FBLN7: variants seen among roughly 807,000 people sequenced by gnomAD.
The protein encoded by FBLN7 is fibulin-7.
In FBLN7, 31 loss-of-function variants were observed where a neutral mutation model predicts 44.0. The ratio of observed to expected loss-of-function variants is 0.70; its 90% CI spans 0.53 to 0.95. The LOEUF (loss-of-function observed/expected upper bound fraction) is 0.95, where lower values mean the gene tolerates loss of function less well. Ranked by LOEUF, FBLN7 falls within the 40% of genes least tolerant of loss-of-function variation. The pLI, the probability that FBLN7 is intolerant of heterozygous loss-of-function variation, is 0.00. For missense variants in FBLN7, 573 were observed against 618.5 expected (o/e 0.93, Z 0.78); for synonymous variants, 262 against 253.4 (o/e 1.03, Z -0.32).
the FBLN7 span, chr2:112,236,762 C>T: frequency 1.9e-5 from 26 of 1,404,704 alleles, no homozygotes; most frequent in Admixed American, 4.2e-5. Context: ...TTAAGAAGTA[C>T]GGGGCCAGGT....
chr2:112,212,965 C>CTTTTTTTTTTTTTT, the FBLN7 span: 2 of 84,890 alleles, frequency 2.4e-5, no homozygotes, highest in African/African-American at 4.7e-5. Flanking sequence ...AGAAGAAATG[C>CTTTTTTTTTTTTTT]TTTTTTTTTT....
At chr2:112,149,178 GC>G (rs112001907) in intron 1 of FBLN7, among the ~76,000 whole-genome samples, 8,521 of 152,182 alleles carry the variant, frequency 0.056, 329 homozygotes, top group African/African-American at 0.11. Flanking sequence ...CCTGTCAAGG[GC>G]AGCCCTGATT....
the FBLN7 span, among the ~76,000 whole-genome samples, chr2:112,201,311 C>T: frequency 1.3e-5 from 2 of 152,214 alleles, no homozygotes; most frequent in South Asian, 2.1e-4. Context: ...CACGGACCAT[C>T]GTGCAGCTCC....
intron 1 of FBLN7, chr2:112,152,228 C>T (rs907261707): frequency 2.0e-5 from 3 of 152,266 alleles, no homozygotes; most frequent in African/African-American, 7.2e-5. Flanking sequence ...GGCTCAGAGA[C>T]CTATGCGGCT....
intron 1 of FBLN7, among the ~76,000 whole-genome samples, chr2:112,140,392 G>T (rs72831604): frequency 6.6e-6 from 1 of 152,200 alleles, no homozygotes; most frequent in African/African-American, 2.4e-5. Flanking sequence ...CCAAGGCTGG[G>T]GGACCCGGGC....
the FBLN7 span, chr2:112,215,608 A>G: frequency 6.6e-6 from 1 of 152,338 alleles, no homozygotes; most frequent in Middle Eastern, 3.4e-3. Flanking sequence ...ATAAAACAAT[A>G]TAATGACGAG....
At chr2:112,191,047 AG>A (rs1466430272), downstream of FBLN7, among the ~76,000 whole-genome samples, 1 of 152,224 alleles carries the variant, frequency 6.6e-6, no homozygotes. Flanking sequence ...GTACAACCAT[AG>A]CTCACTGCAA....
chr2:112,232,677 A>G, the FBLN7 span, among the ~76,000 whole-genome samples: 5 of 152,218 alleles, frequency 3.3e-5, no homozygotes, highest in Non-Finnish European at 5.9e-5. Context: ...TATAACTTCA[A>G]TATTTTCTAG....
chr2:112,173,949 G>A (rs1682605207), intron 3 of FBLN7, among the ~76,000 whole-genome samples: 1 of 152,240 alleles, frequency 6.6e-6, no homozygotes, highest in Non-Finnish European at 1.5e-5. Context: ...TGGGACAGCT[G>A]TGCGTTTCTC....
At chr2:112,206,309 T>G in the FBLN7 span, among the ~76,000 whole-genome samples, 1 of 152,210 alleles carries the variant, frequency 6.6e-6, no homozygotes, top group African/African-American at 2.4e-5. Context: ...TACTGACCTT[T>G]ACAAAGAACT....
Position 112,187,329 on chromosome 2 carries a change from C to T in FBLN7, c.1143C>T (p.Arg381=), listed in dbSNP as rs201355169. Residue 381 remains arginine (R), a synonymous_variant, in exon 8 of 8, where the codon CGC becomes CGT. Coordinates refer to ENST00000331203, the MANE Select transcript of FBLN7 (RefSeq NM_153214.3). This position sits in a 1 kb window ranked among gnomAD's most constrained non-coding sequence, Gnocchi z 5.1. ...TTGGGATCGTGGGTGGGAACAGCCGCGGCCACTTTGTGATGCAGCGTTCAG... is the reference window on the plus strand; with the variant it reads ...TTGGGATCGTGGGTGGGAACAGCCGTGGCCACTTTGTGATGCAGCGTTCAG... ...LRFGIVGGNS[R]GHFVMQRSDR... 9.3e-5 allele frequency: 150 copies of T among 1,614,146 alleles called. 2 individuals are homozygous for T. In the East Asian group the frequency reaches 2.2e-3, roughly 23 times the overall value.
intron 1 of FBLN7, among the ~76,000 whole-genome samples, chr2:112,143,822 A>G (rs1459991009): frequency 1.3e-5 from 2 of 152,114 alleles, no homozygotes; most frequent in African/African-American, 4.8e-5. Flanking sequence ...GGCTCAAGCA[A>G]TCCTCCCATC....
intron 6 of FBLN7, among the ~76,000 whole-genome samples, chr2:112,184,736 A>ATATATATATATGTATATATGG (rs1683170408): frequency 2.0e-5 from 3 of 147,936 alleles, no homozygotes; most frequent in Non-Finnish European, 4.5e-5. Flanking sequence ...TGTATATGGT[A>ATATATATATATGTATATATGG]TATATATATA....
At chr2:112,174,838 T>G (rs1309663115) in intron 3 of FBLN7, among the ~76,000 whole-genome samples, 1 of 152,124 alleles carries the variant, frequency 6.6e-6, no homozygotes, top group Non-Finnish European at 1.5e-5. Context: ...GACTCCCAAG[T>G]AGCTGGGATT....
In FBLN7 at chr2:112,182,594, G is replaced by A. The variant is rs13402356; in HGVS notation, c.671-197G>A. On this transcript the variant is annotated intron_variant, in intron 5 of 7. Transcript: ENST00000331203. ...CCTCCTTTTAGCCCTCTGGGCCCTC[G>A]GCTTAGGAGAAAGGGAAGCACACCT... Among the ~76,000 whole-genome samples the A allele has an allele frequency of 0.16, 24,226 of 152,142 alleles. 2,108 individuals are homozygous for A. Among genetic ancestry groups the A allele is most frequent in the East Asian group, 0.34 (1,741 of 5,160 alleles).
At chr2:112,231,110 A>G in the FBLN7 span, among the ~76,000 whole-genome samples, 1 of 152,120 alleles carries the variant, frequency 6.6e-6, no homozygotes, top group Non-Finnish European at 1.5e-5. Flanking sequence ...CTTATTTCAT[A>G]TATATCACTT....
At chr2:112,156,160 C>G (rs74490354) in intron 1 of FBLN7, among the ~76,000 whole-genome samples, 7,692 of 152,284 alleles carry the variant, frequency 0.051, 255 homozygotes, top group Non-Finnish European at 0.078. Flanking sequence ...GAGAAATCTA[C>G]TGTGGGGCAT....
the FBLN7 span, chr2:112,231,866 G>A: frequency 6.3e-7 from 1 of 1,593,422 alleles, no homozygotes; most frequent in Non-Finnish European, 8.6e-7. Flanking sequence ...TGTTTCAGGA[G>A]TCAGTGGAGC....
intron 3 of FBLN7, among the ~76,000 whole-genome samples, 186 bp downstream of exon 3, chr2:112,165,357 G>A (rs1302506030): frequency 6.6e-6 from 1 of 152,198 alleles, no homozygotes; most frequent in Admixed American, 6.5e-5. Context: ...GTCTCTATCT[G>A]TATGAGCTCA....
Sources: gnomAD v4.1 joint callset for allele counts (sites outside exome capture counted in the v4.1 genomes callset) on GRCh38, gnomAD v4.1.1 for gene constraint, Gnocchi (gnomAD v3.1) non-coding constraint, MANE v1.5 for transcripts, NCBI Gene and HGNC (gene_info 2026-07-23, HGNC 2026-07-21) for gene names.